PTPN12: variants seen among roughly 807,000 people sequenced by gnomAD.
PTPN12 encodes tyrosine-protein phosphatase non-receptor type 12.
A neutral mutation model predicts 97.6 loss-of-function variants in PTPN12; 29 were observed. That is an observed-to-expected ratio of 0.30 (90% CI 0.22 to 0.41). PTPN12 has a LOEUF of 0.41. PTPN12 is among the 10% of genes least tolerant of loss of function. PTPN12 has a pLI of 1.00. For synonymous variants in PTPN12, 327 were observed against 300.4 expected, an observed-to-expected ratio of 1.09 and a Z score of -0.91; for missense variants, 819 against 926.0, an observed-to-expected ratio of 0.88 and a Z score of 1.50.
chr7:77,550,044 ATG>A (rs1807411189), intron 1 of PTPN12, among the ~76,000 whole-genome samples: 1 of 152,108 alleles, frequency 6.6e-6, no homozygotes. Flanking sequence ...TCTAAAATTT[ATG>A]TGTTACTATA....
chr7:77,592,164 ATTT>A lies in PTPN12; in HGVS notation c.421-12_421-10del. 1.5e-6 allele frequency: 2 copies of A among 1,309,720 alleles called. No individual in the cohort carries two copies. The highest frequency in any genetic ancestry group is 2.1e-6 in the Non-Finnish European group (2 of 955,030). The allele number at this position is 1,309,720 out of a possible 1,614,324, so 81.1% of individuals were successfully genotyped here. ...AAAAACTTACATGAATTACTTACTA[ATTT>A]TTTTTTTTGGATGACAGAAAAAATG... On this transcript the variant is annotated intron_variant, in intron 5 of 17. Transcript: ENST00000248594.
chr7:77,604,209 C>CTTTTTTTTTTT lies in PTPN12; in HGVS notation c.696-3012_696-3002dup, dbSNP rs71082768. ...AGCCTTTGTTTGCATTTTTTTCTTC[C>CTTTTTTTTTTT]TTTTTTTTTTTTTTTTTTTTTTTTG... On this transcript the variant is annotated intron_variant, in intron 8 of 17. Transcript: ENST00000248594. 2.8e-4 allele frequency among the ~76,000 whole-genome samples: 15 copies of CTTTTTTTTTTT among 52,802 alleles called. 1 individual carries two copies. The highest frequency in any genetic ancestry group is 1.0e-3 in the South Asian group (1 of 1,002). The allele number at this position is 52,802 out of a possible 152,430, so 34.6% of individuals were successfully genotyped here.
intron 11 of PTPN12, among the ~76,000 whole-genome samples, chr7:77,612,795 T>G (rs905734543): frequency 2.7e-5 from 4 of 145,560 alleles, no homozygotes; most frequent in Non-Finnish European, 6.0e-5. Flanking sequence ...TGGTTTTTGG[T>G]TTTTTTTTTG....
chr7:77,565,232 T>C (rs1808209843), intron 1 of PTPN12, among the ~76,000 whole-genome samples: 1 of 152,238 alleles, frequency 6.6e-6, no homozygotes, highest in African/African-American at 2.4e-5. Flanking sequence ...TTTCTTTTTG[T>C]GTTAATTTAT....
intron 8 of PTPN12, among the ~76,000 whole-genome samples, chr7:77,606,153 C>T (rs571449367): frequency 1.3e-5 from 2 of 151,860 alleles, no homozygotes; most frequent in Non-Finnish European, 2.9e-5. Flanking sequence ...GGGGTTTCAC[C>T]GTGTTGGCCA....
At position 77,627,178 on chromosome 7, in the gene PTPN12, T is replaced by TG. The variant is rs766928858; in HGVS notation, c.1499_1500insG (p.Thr501AsnfsTer29). On this transcript the variant is annotated frameshift_variant, in exon 13 of 18. Coordinates refer to ENST00000248594, the MANE Select transcript of PTPN12 (RefSeq NM_002835.4). LOFTEE classifies it high-confidence loss of function. ...CAGAATTCTTGTGTGGACTGCAGTGTAACACAATCAAACAAAGTTTCAGTT... is the reference window on the plus strand; with the variant it reads ...CAGAATTCTTGTGTGGACTGCAGTGTGAACACAATCAAACAAAGTTTCAGTT... 1 of 1,614,150 alleles carries TG rather than the reference T, an allele frequency of 6.2e-7. No individual in the cohort carries two copies. The highest frequency in any genetic ancestry group is 1.7e-5 in the Admixed American group (1 of 60,018).
intron 1 of PTPN12, among the ~76,000 whole-genome samples, chr7:77,539,309 A>C (rs1806834633): frequency 6.6e-6 from 1 of 152,212 alleles, no homozygotes; most frequent in Non-Finnish European, 1.5e-5. Context: ...AAGATTGAAA[A>C]TATAAGTTAA....
intron 12 of PTPN12, 46 bp downstream of exon 12, chr7:77,618,611 T>C (rs1407394611): frequency 8.2e-7 from 1 of 1,223,494 alleles, no homozygotes; most frequent in Non-Finnish European, 1.2e-6. Flanking sequence ...TACTTGTTTC[T>C]ACTCACTGTT....
At chr7:77,539,169 A>C (rs1225584019) in intron 1 of PTPN12, among the ~76,000 whole-genome samples, 2 of 152,162 alleles carry the variant, frequency 1.3e-5, no homozygotes, top group Non-Finnish European at 2.9e-5. Flanking sequence ...TTTAGCGTTA[A>C]ATTTTTAACA....
At chr7:77,598,883 G>C (rs1056048061) in intron 7 of PTPN12, among the ~76,000 whole-genome samples, 1 of 150,342 alleles carries the variant, frequency 6.7e-6, no homozygotes, top group Non-Finnish European at 1.5e-5. Flanking sequence ...AAAAGTAACA[G>C]CAATTTTTAT....
At chr7:77,588,382 T>G (rs868260860) in intron 5 of PTPN12, among the ~76,000 whole-genome samples, 3 of 152,208 alleles carry the variant, frequency 2.0e-5, no homozygotes, top group Non-Finnish European at 2.9e-5. Context: ...AACTTGTCAA[T>G]GGAACAGTGA....
intron 4 of PTPN12, among the ~76,000 whole-genome samples, chr7:77,584,921 A>G (rs1217142320): frequency 6.6e-6 from 1 of 152,178 alleles, no homozygotes; most frequent in Non-Finnish European, 1.5e-5. Context: ...AATAATATGC[A>G]TGCTGAAGTA....
intron 12 of PTPN12, among the ~76,000 whole-genome samples, chr7:77,624,332 G>A (rs1562757757): frequency 6.6e-6 from 1 of 151,844 alleles, no homozygotes; most frequent in Non-Finnish European, 1.5e-5. Context: ...TGAGAGTATT[G>A]CTGTCATTTT....
At chr7:77,614,249 C>T (rs1788675821) in intron 11 of PTPN12, among the ~76,000 whole-genome samples, 1 of 152,102 alleles carries the variant, frequency 6.6e-6, no homozygotes, top group South Asian at 2.1e-4. Flanking sequence ...GTGATAAATA[C>T]CGCATCACCT....
At chr7:77,604,618 A>G (rs959285923) in intron 8 of PTPN12, among the ~76,000 whole-genome samples, 2 of 152,124 alleles carry the variant, frequency 1.3e-5, no homozygotes, top group Non-Finnish European at 2.9e-5. Flanking sequence ...TTTGCAATAC[A>G]TAAGTTTCAT....
intron 14 of PTPN12, among the ~76,000 whole-genome samples, chr7:77,634,782 G>A (rs1343271943): frequency 6.6e-6 from 1 of 151,484 alleles, no homozygotes; most frequent in African/African-American, 2.4e-5. Context: ...GTTTCACCAT[G>A]TTAGCCAGGA....
At chr7:77,634,073 G>A (rs528724845) in intron 14 of PTPN12, among the ~76,000 whole-genome samples, 9 of 152,036 alleles carry the variant, frequency 5.9e-5, no homozygotes, top group Admixed American at 3.3e-4. Flanking sequence ...GGTGGCATGT[G>A]CCTGTAGTCC....
intron 12 of PTPN12, among the ~76,000 whole-genome samples, chr7:77,620,638 CATTA>C (rs1288686197): frequency 2.0e-5 from 3 of 152,184 alleles, no homozygotes; most frequent in Non-Finnish European, 2.9e-5. Flanking sequence ...ACAGTAAACA[CATTA>C]ATTGTTTGTT....
At chr7:77,629,392 T>G (rs1789318433) in intron 13 of PTPN12, among the ~76,000 whole-genome samples, 1 of 152,250 alleles carries the variant, frequency 6.6e-6, no homozygotes, top group African/African-American at 2.4e-5. Context: ...TGCTAATGTC[T>G]TTTGTTCCTC....
Sources: gnomAD v4.1 joint callset for allele counts (sites outside exome capture counted in the v4.1 genomes callset) on GRCh38, gnomAD v4.1.1 for gene constraint, MANE v1.5 for transcripts, NCBI Gene and HGNC (gene_info 2026-07-23, HGNC 2026-07-21) for gene names.